Variants in NFRKB observed in about 807,000 individuals in gnomAD.
The protein encoded by NFRKB is nuclear factor related to kappaB binding protein, also known as nuclear factor related to kappa-B-binding protein.
In NFRKB, 62 loss-of-function variants were observed where a neutral mutation model predicts 135.7. That is an observed-to-expected ratio of 0.46 (90% confidence interval 0.37 to 0.56). The LOEUF (loss-of-function observed/expected upper bound fraction) is 0.56. Among genes scored for constraint, NFRKB ranks in the 20% least tolerant of loss-of-function variants. The pLI, the probability that NFRKB is intolerant of heterozygous loss-of-function variation, is 0.00. For missense variants in NFRKB, 1,545 were observed against 1,662.0 expected (o/e 0.93, Z 1.22); for synonymous variants, 678 against 635.6 (o/e 1.07, Z -1.00).
chr11:129,891,307 G>A (rs1238496423), intron 3 of NFRKB, among the ~76,000 whole-genome samples: 1 of 152,134 alleles, frequency 6.6e-6, no homozygotes, highest in Non-Finnish European at 1.5e-5. Flanking sequence ...TCTAAAATAA[G>A]CCCTGGCAGC....
intron 16 of NFRKB, 146 bp downstream of exon 16, chr11:129,877,179 C>A: frequency 1.1e-6 from 1 of 873,704 alleles, no homozygotes. Context: ...CGTTTCCACC[C>A]CCAACAAGTA....
intron 14 of NFRKB, 48 bp downstream of exon 14, chr11:129,878,416 C>T (rs1420079731): frequency 1.9e-6 from 3 of 1,612,608 alleles, no homozygotes; most frequent in Admixed American, 1.7e-5. Context: ...AACTTAAGAG[C>T]TCTGGAAACC....
intron 9 of NFRKB, 139 bp downstream of exon 9, chr11:129,882,983 C>T (rs1949101452): frequency 1.4e-6 from 1 of 706,336 alleles, no homozygotes; most frequent in East Asian, 2.6e-5. Context: ...CATTTCCCAC[C>T]TGTTAGCCTG....
chr11:129,869,914 T>C lies in NFRKB; in HGVS notation c.3111A>G (p.Thr1037=). The change falls in exon 24 of 27, where the codon ACA becomes ACG. Residue 1037 remains threonine, a synonymous_variant. Transcript: ENST00000682444. ...GAGTCACTTTGACCACAGTGGTACC[T>C]GTTGGAGTGGATGAAGGGGCACTGG... The part of the protein sequence containing the change: ...SSASAPSSTP[T]GTTVVKVTPD... 1 of 1,614,248 alleles carries C rather than the reference T, an allele frequency of 6.2e-7. No homozygotes were observed. Among genetic ancestry groups the C allele is most frequent in the Non-Finnish European group, 8.5e-7 (1 of 1,180,040 alleles).
At chr11:129,877,625 C>T (rs1183871246) in intron 15 of NFRKB, among the ~76,000 whole-genome samples, 1 of 152,198 alleles carries the variant, frequency 6.6e-6, no homozygotes, top group Non-Finnish European at 1.5e-5. Context: ...GGACAAGAGG[C>T]TGACATCTTT....
In NFRKB at chr11:129,892,765, A is replaced by G; in HGVS notation, c.85T>C (p.Cys29Arg). ...DGHGTRIMED[C>R]LLGGTRVSLP... is the part of the protein sequence containing the mutation. ...CTAACTCTGGTGCCTCCCAGGAGGC[A>G]ATCCTCCATGATGCGCGTGCCATGG... is the stretch of plus-strand genomic sequence containing the variant. Residue 29 changes from cysteine to arginine, a missense_variant, in exon 3 of 27, where the codon TGC becomes CGC. Cys to Arg is a radical substitution (Grantham distance 180). This residue lies in a region of NFRKB where 678 missense variants were observed against 646.7 expected (regional missense o/e 1.05). Coordinates refer to ENST00000682444, the MANE Select transcript of NFRKB (RefSeq NM_001143835.2). 1 of 1,614,234 alleles carries G rather than the reference A, an allele frequency of 6.2e-7. No homozygotes were observed. The highest frequency in any genetic ancestry group is 8.5e-7 in the Non-Finnish European group (1 of 1,180,040).
chr11:129,872,236 G>A (rs749914370), intron 23 of NFRKB, among the ~76,000 whole-genome samples: 12 of 152,174 alleles, frequency 7.9e-5, no homozygotes, highest in East Asian at 1.9e-4. Flanking sequence ...TACGAGTTCC[G>A]CGAGGGCAAG....
At chr11:129,886,191 G>T in intron 5 of NFRKB, 126 bp downstream of exon 5, 1 of 1,038,064 alleles carries the variant, frequency 9.6e-7, no homozygotes, top group Non-Finnish European at 1.4e-6. Context: ...GCTTAACTGT[G>T]TCACAGATTA....
At position 129,873,996 on chromosome 11, in the gene NFRKB, G is replaced by A. The variant is rs144204110; in HGVS notation, c.2299C>T (p.Pro767Ser). 728 of 1,612,784 alleles carry A rather than the reference G, an allele frequency of 4.5e-4. 5 individuals carry two copies. The highest frequency in any genetic ancestry group is 2.0e-4 in the Admixed American group (12 of 59,990). Residue 767 changes from proline (P) to serine (S), a missense_variant, in exon 22 of 27, where the codon CCA becomes TCA. Coordinates refer to ENST00000682444, the MANE Select transcript of NFRKB (RefSeq NM_001143835.2). ...ATTGTTCCCAGATGTGGCATTGTTG[G>A]TGAAGACACCAGAAGAACACTATGA... ...SSSGVLLVSS[P>S]TMPHLGTMLS... is the part of the protein sequence containing the mutation.
At chr11:129,882,314 T>C in intron 10 of NFRKB, 120 bp from the exon 11 acceptor site, 1 of 1,345,774 alleles carries the variant, frequency 7.4e-7, no homozygotes, top group South Asian at 1.4e-5. Context: ...AACAATATAT[T>C]TTCCCAGCAG....
At position 129,884,784 on chromosome 11, in the gene NFRKB, C is replaced by T. The variant is rs573829628; in HGVS notation, c.703G>A (p.Val235Met). Reference protein sequence around the residue: ...RSPSPAVPLRVVPTLSTTDMK... With the variant: ...RSPSPAVPLRMVPTLSTTDMK... ...TCCGTGGTTGAAAGTGTGGGCACCACCCGCAGGGGCACCGCAGGACTAGGA... is the reference window on the plus strand; with the variant it reads ...TCCGTGGTTGAAAGTGTGGGCACCATCCGCAGGGGCACCGCAGGACTAGGA... Residue 235 changes from valine (V) to methionine (M), a missense_variant, in exon 7 of 27, where the codon GTG (valine) becomes ATG (methionine). Physicochemically the swap from Val to Met is conservative, Grantham distance 21. Transcript: ENST00000682444. 1.2e-6 allele frequency: 2 copies of T among 1,614,152 alleles called. No homozygotes were observed. Among genetic ancestry groups the T allele is most frequent in the East Asian group, 4.5e-5 (2 of 44,888 alleles).
chr11:129,883,671 T>C (rs930851415), intron 8 of NFRKB, among the ~76,000 whole-genome samples: 7 of 152,208 alleles, frequency 4.6e-5, no homozygotes, highest in Admixed American at 4.6e-4. Context: ...CTGAACTCTC[T>C]GGCTTGGTGC....
chr11:129,875,980 T>G (rs1339062482), intron 17 of NFRKB, among the ~76,000 whole-genome samples: 1 of 152,172 alleles, frequency 6.6e-6, no homozygotes, highest in Non-Finnish European at 1.5e-5. Flanking sequence ...AAGAGTCACT[T>G]TTAGGTAACA....
chr11:129,893,365 G>A lies in NFRKB; in HGVS notation c.-21-495C>T, dbSNP rs748535627. On this transcript the variant is annotated intron_variant, in intron 2 of 26. Coordinates refer to ENST00000682444, the MANE Select transcript of NFRKB (RefSeq NM_001143835.2). ...TCCATGAGTTTGAGACCAGCCTAGC[G>A]AACATGGCAAAACCCCTTCTCTACA... 30 of 296,428 alleles carry A rather than the reference G, an allele frequency of 1.0e-4. 1 individual carries two copies. Among genetic ancestry groups the A allele is most frequent in the South Asian group, 5.5e-4 (24 of 43,878 alleles). The allele number at this position is 296,428 out of a possible 1,614,324, so 18.4% of individuals were successfully genotyped here. A position where few individuals can be genotyped will look rare whatever the true frequency, so the allele number is the denominator to read the frequency against.
At position 129,874,965 on chromosome 11, in the gene NFRKB, A is replaced by G. The variant is rs766889616; in HGVS notation, c.1855-49T>C. On this transcript the variant is annotated intron_variant, in intron 18 of 26. Transcript: ENST00000682444. The surrounding 1 kb of genome is among the most constrained non-coding windows in gnomAD (Gnocchi z 4.5). The stretch of plus-strand genomic sequence containing the variant: ...AAGAAACAAGTCAAGCTTAGATAAC[A>G]GAAGTTATTTGAACTCTAGGAAAAA... The G allele has an allele frequency of 5.0e-6, 8 of 1,608,630 alleles. No homozygotes were observed. In the Admixed American group the frequency reaches 8.4e-5, roughly 17 times the overall value.
At chr11:129,893,207 T>A (rs1252809517) in intron 2 of NFRKB, 9 of 633,194 alleles carry the variant, frequency 1.4e-5, no homozygotes, top group Non-Finnish European at 1.9e-5. Flanking sequence ...CCCAGACCAA[T>A]AATCACTCTC....
chr11:129,893,291 AC>A, intron 2 of NFRKB: 1 of 463,324 alleles, frequency 2.2e-6, no homozygotes, highest in Admixed American at 2.4e-5. Context: ...AGTAACTCAC[AC>A]CTACAATCTC....
Position 129,866,889 on chromosome 11 carries a change from A to G in NFRKB, c.3532-906T>C, listed in dbSNP as rs185621857. ...AAGGAGATGGGCACTCAGCTGCACA[A>G]CTGCGCGGCAGGTCCCCGCACCTAT... On this transcript the variant is annotated intron_variant, in intron 24 of 26. Coordinates refer to ENST00000682444, the MANE Select transcript of NFRKB (RefSeq NM_001143835.2). 2.2e-3 allele frequency among the ~76,000 whole-genome samples: 333 copies of G among 152,298 alleles called. 2 individuals are homozygous for G. The highest frequency in any genetic ancestry group is 7.5e-3 in the African/African-American group (312 of 41,554).
In NFRKB at chr11:129,895,505, G is replaced by C. The variant is rs576137301; in HGVS notation, c.-111C>G. 6.6e-6 allele frequency: 1 copy of C among 152,362 alleles called. No homozygotes were observed. Among genetic ancestry groups the C allele is most frequent in the African/African-American group, 2.4e-5 (1 of 41,438 alleles). 9.4% of individuals were successfully genotyped at this position (152,362 alleles called of 1,614,324 possible). ...CCTTGCCCGCCCTCACCTGAACCGCGGGCGCCGGCCCCCTAACCCGCAGCC... is the reference window on the plus strand; with the variant it reads ...CCTTGCCCGCCCTCACCTGAACCGCCGGCGCCGGCCCCCTAACCCGCAGCC... On this transcript the variant is annotated 5_prime_UTR_variant, in exon 1 of 27. Transcript: ENST00000682444.
Sources: gnomAD v4.1 joint callset for allele counts (sites outside exome capture counted in the v4.1 genomes callset) on GRCh38, gnomAD v4.1.1 for gene constraint, gnomAD v4.1.1 regional missense constraint, Gnocchi (gnomAD v3.1) non-coding constraint, MANE v1.5 for transcripts, NCBI Gene and HGNC (gene_info 2026-07-23, HGNC 2026-07-21) for gene names.